ADAM12: variants seen among roughly 807,000 people sequenced by gnomAD.
The protein encoded by ADAM12 is ADAM metallopeptidase domain 12, also known as disintegrin and metalloproteinase domain-containing protein 12.
In ADAM12, 70 loss-of-function variants were observed where a neutral mutation model predicts 106.4. The ratio of observed to expected loss-of-function variants is 0.66; its 90% confidence interval spans 0.54 to 0.80. The LOEUF (loss-of-function observed/expected upper bound fraction) is 0.80, where lower values mean the gene tolerates loss of function less well. ADAM12 is among the 30% of genes least tolerant of loss of function. The pLI is 0.00. For synonymous variants in ADAM12, 420 were observed against 433.5 expected (o/e 0.97, Z 0.39); for missense variants, 1,010 against 1,171.9 (o/e 0.86, Z 2.02).
chr10:126,050,663 G>A lies in ADAM12; in HGVS notation c.1610-994C>T, dbSNP rs542830249. On this transcript the variant is annotated intron_variant, in intron 14 of 22. Transcript: ENST00000448723. ...ACAACGGATTTATTTAAGATACCTCGTCCCAGGGAACAGAAGATGTTCTTC... is the reference window on the plus strand; with the variant it reads ...ACAACGGATTTATTTAAGATACCTCATCCCAGGGAACAGAAGATGTTCTTC... Among the ~76,000 whole-genome samples the A allele has an allele frequency of 1.0e-3, 158 of 152,194 alleles. 2 individuals are homozygous for A. The South Asian group carries it at 0.032, about 31-fold the overall frequency.
chr10:126,086,541 G>A (rs1465535348), intron 11 of ADAM12, among the ~76,000 whole-genome samples: 1 of 146,094 alleles, frequency 6.8e-6, no homozygotes, highest in South Asian at 2.2e-4. Flanking sequence ...GCCAGGTGTG[G>A]TGGTGCACGC....
chr10:126,289,421 T>C (rs915870801), intron 2 of ADAM12, among the ~76,000 whole-genome samples: 1 of 152,238 alleles, frequency 6.6e-6, no homozygotes, highest in African/African-American at 2.4e-5. Context: ...CCCAGTGCCA[T>C]GTGCCTGGCA....
At chr10:126,116,591 G>A (rs891253655) in intron 6 of ADAM12, among the ~76,000 whole-genome samples, 1 of 152,080 alleles carries the variant, frequency 6.6e-6, no homozygotes, top group Non-Finnish European at 1.5e-5. Context: ...CCATGTCAAG[G>A]TGAGCCACAG....
intron 10 of ADAM12, among the ~76,000 whole-genome samples, chr10:126,095,094 G>T (rs1275231516): frequency 6.6e-6 from 1 of 152,154 alleles, no homozygotes; most frequent in African/African-American, 2.4e-5. Context: ...TTTGAATCTT[G>T]CTTTGTGCTA....
chr10:126,121,165 CTATATA>C (rs371328899), intron 5 of ADAM12, among the ~76,000 whole-genome samples: 1 of 23,062 alleles, frequency 4.3e-5, no homozygotes, highest in Non-Finnish European at 9.3e-5. Flanking sequence ...ACTATATATA[CTATATA>C]TACTATATAC....
chr10:126,344,055 G>A (rs906813770), intron 1 of ADAM12, among the ~76,000 whole-genome samples: 32 of 152,120 alleles, frequency 2.1e-4, no homozygotes, highest in Middle Eastern at 3.2e-3. Context: ...TTTGGCTTTT[G>A]TTGCCATTGC....
chr10:126,143,310 A>G (rs531844245), intron 4 of ADAM12, among the ~76,000 whole-genome samples: 1 of 146,072 alleles, frequency 6.8e-6, no homozygotes, highest in African/African-American at 2.6e-5. Flanking sequence ...GTGGGTGTGC[A>G]TGTGTGTATA....
intron 3 of ADAM12, among the ~76,000 whole-genome samples, chr10:126,161,585 C>A (rs1193054405): frequency 2.0e-5 from 3 of 152,218 alleles, no homozygotes; most frequent in Non-Finnish European, 2.9e-5. Context: ...GCAGGCACTG[C>A]CCCTTTTGCT....
At chr10:126,141,366 C>G (rs1257394125) in intron 4 of ADAM12, among the ~76,000 whole-genome samples, 1 of 152,236 alleles carries the variant, frequency 6.6e-6, no homozygotes, top group Admixed American at 6.5e-5. Context: ...GCCAGGCCGT[C>G]TTTGCCTAGT....
rs200615034 is a variant in ADAM12 at position 126,066,743 on chromosome 10, G to C, written c.1387C>G (p.His463Asp). ...TGGCAGTCTTCACAGCACAGCCCAT[G>C]TGCGCACACAGCGTCCGGCTTCAGG... ...CTLKPDAVCA[H>D]GLCCEDCQLK... Residue 463 changes from histidine to aspartate, a missense_variant, in exon 13 of 23, where the codon CAT (histidine) becomes GAT (aspartate). Physicochemically the swap from His to Asp is moderately conservative, Grantham distance 81 (BLOSUM62 -1). Around this residue, in one of 3 missense-constraint regions of ADAM12, gnomAD observed 615 missense variants for 708.5 expected, o/e 0.87. Coordinates refer to ENST00000448723, the MANE Select transcript of ADAM12 (RefSeq NM_001288973.2). The surrounding 1 kb of genome is among the most constrained non-coding windows in gnomAD (Gnocchi z 5.1). 3 of 1,614,190 alleles carry C rather than the reference G, an allele frequency of 1.9e-6. No homozygotes were observed. In the South Asian group the frequency reaches 3.3e-5, roughly 18 times the overall value.
At chr10:126,285,645 A>G (rs1959820669) in intron 2 of ADAM12, among the ~76,000 whole-genome samples, 1 of 152,176 alleles carries the variant, frequency 6.6e-6, no homozygotes, top group South Asian at 2.1e-4. Context: ...TTTACTCCAA[A>G]TCCCTCTTTC....
chr10:126,195,930 G>A (rs1482478734), intron 3 of ADAM12, among the ~76,000 whole-genome samples: 1 of 152,198 alleles, frequency 6.6e-6, no homozygotes, highest in African/African-American at 2.4e-5. Flanking sequence ...CCCGATCACC[G>A]TCTCACAAGC....
chr10:126,226,772 T>C (rs112782751), intron 3 of ADAM12, among the ~76,000 whole-genome samples: 13,072 of 152,170 alleles, frequency 0.086, 1,150 homozygotes, highest in African/African-American at 0.22. Context: ...GCGATTACTA[T>C]GTGCCAGGCA....
intron 5 of ADAM12, among the ~76,000 whole-genome samples, chr10:126,129,725 A>G (rs921430995): frequency 2.6e-5 from 4 of 152,214 alleles, no homozygotes; most frequent in East Asian, 1.9e-4. Flanking sequence ...TCAACTTCAC[A>G]TTCGACTTGG....
chr10:126,228,217 C>T (rs57541565), intron 3 of ADAM12, among the ~76,000 whole-genome samples: 2,242 of 152,302 alleles, frequency 0.015, 45 homozygotes, highest in African/African-American at 0.042. Flanking sequence ...AAAGTCGTAA[C>T]TGTACCCCCC....
At chr10:126,134,609 T>C (rs187082061) in intron 5 of ADAM12, among the ~76,000 whole-genome samples, 181 of 152,290 alleles carry the variant, frequency 1.2e-3, no homozygotes, top group African/African-American at 4.2e-3. Context: ...TGTGAGCAAA[T>C]AGAACTCTCA....
At chr10:126,224,095 G>A (rs1259849485) in intron 3 of ADAM12, among the ~76,000 whole-genome samples, 1 of 151,984 alleles carries the variant, frequency 6.6e-6, no homozygotes, top group Non-Finnish European at 1.5e-5. Context: ...CCTGGGGAGG[G>A]GGCCTGGGGA....
chr10:126,384,356 C>A (rs564155825), intron 1 of ADAM12, among the ~76,000 whole-genome samples: 1 of 152,274 alleles, frequency 6.6e-6, no homozygotes, highest in East Asian at 1.9e-4. Flanking sequence ...ATCTTCCCAA[C>A]ACCCATCCTC....
intron 10 of ADAM12, among the ~76,000 whole-genome samples, chr10:126,097,001 C>T (rs73378609): frequency 0.028 from 4,319 of 152,098 alleles, 221 homozygotes; most frequent in African/African-American, 0.099. Context: ...ATAAGGGACA[C>T]GAGCTGAAGA....
Sources: allele counts gnomAD v4.1 joint callset (sites outside exome capture counted in the v4.1 genomes callset), GRCh38; gene constraint gnomAD v4.1.1; regional missense constraint gnomAD v4.1.1; non-coding constraint Gnocchi (gnomAD v3.1); transcripts MANE v1.5; gene names NCBI Gene and HGNC (gene_info 2026-07-23, HGNC 2026-07-21).